The following USH2A variants were observed in gnomAD, a reference collection of about 807,000 sequenced individuals.
The protein encoded by USH2A is usherin.
Under a neutral mutation model 538.9 loss-of-function variants are expected in USH2A, and 443 were observed. The ratio of observed to expected loss-of-function variants is 0.82; its 90% CI spans 0.76 to 0.89. USH2A has a LOEUF of 0.89. Ranked by LOEUF, USH2A falls within the 40% of genes least tolerant of loss-of-function variation. USH2A has a pLI of 0.00. For synonymous variants in USH2A, 2,413 were observed against 2,273.5 expected (o/e 1.06, Z -1.75); for missense variants, 6,633 against 6,324.8 (o/e 1.05, Z -1.65).
intron 64 of USH2A, among the ~76,000 whole-genome samples, chr1:215,662,463 G>A (rs1657471092): frequency 6.6e-6 from 1 of 152,176 alleles, no homozygotes; most frequent in Non-Finnish European, 1.5e-5. Context: ...AGAAGCTTCA[G>A]AATAAAGTCC....
intron 3 of USH2A, among the ~76,000 whole-genome samples, chr1:216,366,916 TATC>T: frequency 6.6e-6 from 1 of 152,176 alleles, no homozygotes; most frequent in South Asian, 2.1e-4. Context: ...GTTTGACTGT[TATC>T]ATTATAAAAG....
At chr1:216,336,526 A>G (rs2037978309) in intron 4 of USH2A, among the ~76,000 whole-genome samples, 1 of 151,498 alleles carries the variant, frequency 6.6e-6, no homozygotes, top group Non-Finnish European at 1.5e-5. Context: ...AAATGAGTTC[A>G]GCAAAGTTGC....
chr1:216,286,003 G>A (rs531747789), intron 11 of USH2A, among the ~76,000 whole-genome samples: 8 of 152,168 alleles, frequency 5.3e-5, no homozygotes, highest in African/African-American at 1.2e-4. Flanking sequence ...GAAGGGACAT[G>A]CCTTGCCTCA....
At chr1:215,673,260 A>T (rs575331074) in intron 63 of USH2A, among the ~76,000 whole-genome samples, 1 of 152,074 alleles carries the variant, frequency 6.6e-6, no homozygotes, top group Non-Finnish European at 1.5e-5. Flanking sequence ...TTATAGGAGG[A>T]TCTAATCTAC....
rs1480868646 is a variant in USH2A, at chr1:215,833,496, C to CA, written c.9371+4494dup. 4.0e-5 allele frequency among the ~76,000 whole-genome samples: 6 copies of CA among 151,166 alleles called. No homozygotes were observed. The East Asian group carries it at 7.8e-4, about 20-fold the overall frequency. On this transcript the variant is annotated intron_variant, in intron 47 of 71. Coordinates refer to ENST00000307340, the MANE Select transcript of USH2A (RefSeq NM_206933.4). The stretch of plus-strand genomic sequence containing the variant: ...TTGATACTATTAAATACTTACATGC[C>CA]AAAAAAAATTAACCTTGACTCATGC...
intron 14 of USH2A, among the ~76,000 whole-genome samples, chr1:216,228,405 G>A (rs1366844028): frequency 6.6e-6 from 1 of 152,108 alleles, no homozygotes; most frequent in African/African-American, 2.4e-5. Flanking sequence ...TGGTTTGGCT[G>A]TGTCCCCACC....
intron 22 of USH2A, 118 bp downstream of exon 22, chr1:216,096,965 A>G (rs2032454641): frequency 9.1e-7 from 1 of 1,093,034 alleles, no homozygotes; most frequent in African/African-American, 1.6e-5. Flanking sequence ...GGGGATAATA[A>G]TAGTACTTAC....
intron 3 of USH2A, among the ~76,000 whole-genome samples, chr1:216,383,866 C>CTTTAT (rs552614003): frequency 7.4e-6 from 1 of 134,926 alleles, no homozygotes; most frequent in African/African-American, 2.9e-5. Context: ...TTCTTTCTTT[C>CTTTAT]TTTTTTTTTT....
chr1:215,772,690 T>C (rs1159915368), intron 55 of USH2A, among the ~76,000 whole-genome samples: 1 of 152,212 alleles, frequency 6.6e-6, no homozygotes, highest in African/African-American at 2.4e-5. Context: ...AATCTCTTGA[T>C]AAATAGTCAA....
chr1:216,010,285 G>A (rs1287440519), intron 32 of USH2A, among the ~76,000 whole-genome samples: 2 of 152,140 alleles, frequency 1.3e-5, no homozygotes, highest in Non-Finnish European at 2.9e-5. Context: ...TGCTACAAGT[G>A]CCAGAAATCT....
rs954843260 is a variant in USH2A at position 215,741,254 on chromosome 1, A to C, written c.11711+121T>G. 20 of 1,283,448 alleles carry C rather than the reference A, an allele frequency of 1.6e-5. No individual in the cohort carries two copies. In the African/African-American group the frequency reaches 1.7e-4, roughly 11 times the overall value. The allele number at this position is 1,283,448 out of a possible 1,614,324, so 79.5% of individuals were successfully genotyped here. ...AACAAACATACAAAACAAAACAAAA[A>C]AAAACACAACATGAATTCCCATTCA... On this transcript the variant is annotated intron_variant, in intron 60 of 71. Coordinates refer to ENST00000307340, the MANE Select transcript of USH2A (RefSeq NM_206933.4).
At position 215,999,069 on chromosome 1, in the gene USH2A, T is replaced by G; in HGVS notation, c.6486-11A>C. The G allele has an allele frequency of 6.2e-7, 1 of 1,604,462 alleles. No individual in the cohort carries two copies. The highest frequency in any genetic ancestry group is 8.5e-7 in the Non-Finnish European group (1 of 1,172,148). On this transcript the variant is annotated splice_polypyrimidine_tract_variant and intron_variant, in intron 33 of 71. Coordinates refer to ENST00000307340, the MANE Select transcript of USH2A (RefSeq NM_206933.4). ...CTTGGTTGTTTCCACCTGGGAATGG[T>G]AAAATACATTATTATCATTCATTCA...
intron 38 of USH2A, among the ~76,000 whole-genome samples, chr1:215,906,134 GGAA>G (rs1416664061): frequency 2.0e-5 from 3 of 151,952 alleles, no homozygotes; most frequent in African/African-American, 7.2e-5. Flanking sequence ...TTAATTATGA[GGAA>G]TATGCAGATG....
Position 216,078,251 on chromosome 1 carries a change from T to C in USH2A, c.5410A>G (p.Ile1804Val), listed in dbSNP as rs201804063. ...SYCNGKWNKVIIKKEGSFISA... is the reference protein window; with the variant it reads ...SYCNGKWNKVVIKKEGSFISA... ...ATGAAAGAGCCTTCCTTTTTAATAA[T>C]GACTTTATTCCACTTTCCATTACAA... The change falls in exon 27 of 72, where the codon ATT becomes GTT. Residue 1804 changes from isoleucine to valine, a missense_variant. By Grantham distance (29) the Ile-to-Val change is conservative. Transcript: ENST00000307340. 1.1e-4 allele frequency: 171 copies of C among 1,613,910 alleles called. No individual in the cohort carries two copies. The highest frequency in any genetic ancestry group is 1.4e-4 in the Non-Finnish European group (162 of 1,179,814).
intron 32 of USH2A, among the ~76,000 whole-genome samples, chr1:216,035,390 A>C (rs1571906247): frequency 6.6e-6 from 1 of 152,168 alleles, no homozygotes; most frequent in Non-Finnish European, 1.5e-5. Flanking sequence ...ACAATCAAGA[A>C]ATGCCAAATA....
chr1:216,323,359 A>G, intron 8 of USH2A, 115 bp downstream of exon 8: 2 of 974,342 alleles, frequency 2.1e-6, no homozygotes, highest in South Asian at 1.4e-5. Context: ...ATCTTAGAGT[A>G]TGAAATCATT....
chr1:215,779,900 C>T lies in USH2A; in HGVS notation c.10882G>A (p.Val3628Ile), dbSNP rs1159530779. Residue 3628 changes from valine (V) to isoleucine (I), a missense_variant, in exon 55 of 72, where the codon GTT (valine) becomes ATT (isoleucine). Physicochemically the swap from Val to Ile is conservative, Grantham distance 29. Transcript: ENST00000307340. ...GVIKEYQIRQVGKGLIHTDTT... is the reference protein window; with the variant it reads ...GVIKEYQIRQIGKGLIHTDTT... Reference sequence around the variant, plus strand: ...TCAGTGTGGATGAGACCTTTCCCAACCTGCCTGATCTGGTACTCTTTAATG... The same window carrying T: ...TCAGTGTGGATGAGACCTTTCCCAATCTGCCTGATCTGGTACTCTTTAATG... 4 of 1,614,136 alleles carry T rather than the reference C, an allele frequency of 2.5e-6. No individual in the cohort carries two copies. Among genetic ancestry groups the T allele is most frequent in the Non-Finnish European group, 1.7e-6 (2 of 1,180,034 alleles).
intron 42 of USH2A, 22 bp downstream of exon 42, chr1:215,878,742 A>T: frequency 6.2e-7 from 1 of 1,611,444 alleles, no homozygotes; most frequent in Non-Finnish European, 8.5e-7. Flanking sequence ...GCAACATAAA[A>T]ATCATAGTCA....
chr1:215,815,968 A>G (rs913511243), intron 48 of USH2A, among the ~76,000 whole-genome samples: 2 of 152,076 alleles, frequency 1.3e-5, no homozygotes, highest in Admixed American at 6.6e-5. Context: ...GTATGCCTAT[A>G]CAACTATTCT....
Sources: allele counts gnomAD v4.1 joint callset (sites outside exome capture counted in the v4.1 genomes callset), GRCh38; gene constraint gnomAD v4.1.1; transcripts MANE v1.5; gene names NCBI Gene and HGNC (gene_info 2026-07-23, HGNC 2026-07-21).